Variants in SPTB observed in about 807,000 individuals in gnomAD.
SPTB encodes the protein spectrin beta, erythrocytic, also known as spectrin beta chain, erythrocytic.
SPTB carries 45 observed loss-of-function variants against 256.2 expected under a neutral mutation model. That is an observed-to-expected ratio of 0.18 (90% CI 0.14 to 0.23). The LOEUF is 0.23. SPTB is among the 10% of genes least tolerant of loss of function. The pLI, the probability that SPTB is intolerant of heterozygous loss-of-function variation, is 1.00. For synonymous variants in SPTB, 1,231 were observed against 1,243.1 expected (o/e 0.99, Z 0.21); for missense variants, 2,715 against 3,040.4 (o/e 0.89, Z 2.52).
chr14:64,818,817 C>T (rs1447757674), intron 2 of SPTB, among the ~76,000 whole-genome samples: 1 of 152,160 alleles, frequency 6.6e-6, no homozygotes, highest in African/African-American at 2.4e-5. Flanking sequence ...AACATGAAGG[C>T]TGGAACCTTT....
In SPTB at chr14:64,784,459, C is replaced by T; in HGVS notation, c.3856-66G>A. ...TTCTTTGGCAGAGCAGAACCTGCTGCCCATCCCTGGCTGCAGAAGGAGAAG... is the reference window on the plus strand; with the variant it reads ...TTCTTTGGCAGAGCAGAACCTGCTGTCCATCCCTGGCTGCAGAAGGAGAAG... On this transcript the variant is annotated intron_variant, in intron 18 of 35. Transcript: ENST00000644917. 4 of 1,597,356 alleles carry T rather than the reference C, an allele frequency of 2.5e-6. No individual in the cohort carries two copies. In the South Asian group the frequency reaches 3.3e-5, roughly 13 times the overall value.
At chr14:64,837,835 T>A (rs753530539) in intron 1 of SPTB, among the ~76,000 whole-genome samples, 16 of 125,558 alleles carry the variant, frequency 1.3e-4, no homozygotes, top group Admixed American at 9.5e-4. Flanking sequence ...TCCTGACCTC[T>A]GGATCACCTC....
intron 9 of SPTB, 24 bp from the exon 10 acceptor site, chr14:64,797,870 A>C (rs777326579): frequency 1.9e-6 from 3 of 1,596,094 alleles, no homozygotes; most frequent in Non-Finnish European, 2.6e-6. Flanking sequence ...AGAAGTAGGA[A>C]GACTGATGTT....
rs567114356 is a variant in SPTB at position 64,768,187 on chromosome 14, G to A, written c.6023-328C>T. ...CTACCAAGTGGCTGGGACTATAGGT[G>A]TGCACCACCATGCCCAGCTAATTTT... is the stretch of plus-strand genomic sequence containing the variant. On this transcript the variant is annotated intron_variant, in intron 29 of 35. Coordinates refer to ENST00000644917, the MANE Select transcript of SPTB (RefSeq NM_001355436.2). 132 of 412,462 alleles carry A rather than the reference G, an allele frequency of 3.2e-4. 2 individuals are homozygous for A. The highest frequency in any genetic ancestry group is 2.9e-3 in the South Asian group (130 of 45,012). 25.6% of individuals were successfully genotyped at this position (412,462 alleles called of 1,614,324 possible). A position where few individuals can be genotyped will look rare whatever the true frequency, so the allele number is the denominator to read the frequency against.
At chr14:64,839,256 C>G (rs7161483) in intron 1 of SPTB, among the ~76,000 whole-genome samples, 11,682 of 152,206 alleles carry the variant, frequency 0.077, 696 homozygotes, top group South Asian at 0.2. Flanking sequence ...GGTAAAAAGG[C>G]AAGAATTGAT....
At chr14:64,766,027 GTGTA>G (rs1039975995) in intron 32 of SPTB, among the ~76,000 whole-genome samples, 3 of 149,836 alleles carry the variant, frequency 2.0e-5, no homozygotes, top group African/African-American at 7.5e-5. Context: ...GTGCATATGT[GTGTA>G]TGTGGGTGTG....
chr14:64,796,495 C>A lies in SPTB; in HGVS notation c.1341+62G>T. 3 of 1,608,232 alleles carry A rather than the reference C, an allele frequency of 1.9e-6. No individual in the cohort carries two copies. Among genetic ancestry groups the A allele is most frequent in the Non-Finnish European group, 8.5e-7 (1 of 1,176,030 alleles). On this transcript the variant is annotated intron_variant, in intron 11 of 35. Coordinates refer to ENST00000644917, the MANE Select transcript of SPTB (RefSeq NM_001355436.2). This position sits in a 1 kb window ranked among gnomAD's most constrained non-coding sequence, Gnocchi z 4.1. ...AAGCCAGCTTGGACTCCAGCCCAGC[C>A]AAGAGCTGGGGGCTCTGAAGAATGT...
At position 64,821,516 on chromosome 14, in the gene SPTB, G is replaced by A. The variant is rs182329764; in HGVS notation, c.148+1431C>T. Among the ~76,000 whole-genome samples, 72 of 152,246 alleles carry A rather than the reference G, an allele frequency of 4.7e-4. No homozygotes were observed. In the South Asian group the frequency reaches 4.8e-3, roughly 10 times the overall value. ...GTACCCCTCTCCCTCCACCTGGATC[G>A]CCAGGGTCATTGCAGCTAGATCCAG... On this transcript the variant is annotated intron_variant, in intron 2 of 35. Transcript: ENST00000644917.
intron 1 of SPTB, among the ~76,000 whole-genome samples, chr14:64,877,796 A>C (rs1363411428): frequency 5.9e-5 from 9 of 152,236 alleles, no homozygotes; most frequent in Non-Finnish European, 1.5e-5. Flanking sequence ...TAGCTTGCCT[A>C]AAATACTCAT....
intron 1 of SPTB, among the ~76,000 whole-genome samples, chr14:64,860,222 C>T (rs934805150): frequency 2.6e-4 from 40 of 152,222 alleles, no homozygotes; most frequent in African/African-American, 9.6e-4. Flanking sequence ...ACCCAGAGAA[C>T]TTTCAGGAAA....
intron 10 of SPTB, 149 bp downstream of exon 10, chr14:64,797,580 G>C: frequency 2.8e-6 from 2 of 707,576 alleles, no homozygotes; most frequent in Admixed American, 3.7e-5. Flanking sequence ...TCAGAACCAG[G>C]TTCGATAACT....
chr14:64,751,025 ATATT>A (rs1021260971), intron 33 of SPTB, among the ~76,000 whole-genome samples: 2 of 145,666 alleles, frequency 1.4e-5, no homozygotes, highest in South Asian at 2.1e-4. Flanking sequence ...ATTATGTTAT[ATATT>A]ATATATGTAG....
intron 2 of SPTB, among the ~76,000 whole-genome samples, chr14:64,811,718 T>C (rs2083094140): frequency 6.6e-6 from 1 of 152,248 alleles, no homozygotes. Flanking sequence ...TGTCTCTACT[T>C]TTTTACCAGT....
Position 64,825,664 on chromosome 14 carries a change from G to A in SPTB, c.-51-2519C>T, listed in dbSNP as rs539965592. Among the ~76,000 whole-genome samples, 2 of 152,216 alleles carry A rather than the reference G, an allele frequency of 1.3e-5. No homozygotes were observed. Among genetic ancestry groups the A allele is most frequent in the African/African-American group, 2.4e-5 (1 of 41,464 alleles). ...AACCGGACCCTGGCTCTCCTGATTC[G>A]TCCTGGGCTATTTTTAAGAGTGGCT... is the stretch of plus-strand genomic sequence containing the variant. On this transcript the variant is annotated intron_variant, in intron 1 of 35. Transcript: ENST00000644917. This position sits in a 1 kb window ranked among gnomAD's most constrained non-coding sequence, Gnocchi z 4.8.
At position 64,842,519 on chromosome 14, in the gene SPTB, C is replaced by T. The variant is rs572476459; in HGVS notation, c.-51-19374G>A. Reference sequence around the variant, plus strand: ...CCATTTACTTATAGTCCGTAAGCCTCTATTTCTTCATCTGTAAGATGAAGT... The same window carrying T: ...CCATTTACTTATAGTCCGTAAGCCTTTATTTCTTCATCTGTAAGATGAAGT... On this transcript the variant is annotated intron_variant, in intron 1 of 35. Transcript: ENST00000644917. Among the ~76,000 whole-genome samples the T allele has an allele frequency of 2.6e-5, 4 of 152,298 alleles. No individual in the cohort carries two copies. The South Asian group carries it at 8.3e-4, about 32-fold the overall frequency.
Position 64,787,134 on chromosome 14 carries a change from G to C in SPTB, c.2831C>G (p.Ser944Trp). 1 of 1,607,272 alleles carries C rather than the reference G, an allele frequency of 6.2e-7. No individual in the cohort carries two copies. ...TGAGTCCACAGCCTCCCGCCGCTCC[G>C]ACACCAGGGTCTGAAATGCCTGCCA... ...TRWQAFQTLV[S>W]ERREAVDSAL... Residue 944 changes from serine to tryptophan, a missense_variant, in exon 16 of 36, where the codon TCG becomes TGG. Transcript: ENST00000644917.
At chr14:64,788,094 TAA>T (rs2082605530) in intron 15 of SPTB, among the ~76,000 whole-genome samples, 1 of 152,148 alleles carries the variant, frequency 6.6e-6, no homozygotes, top group South Asian at 2.1e-4. Flanking sequence ...TAACATAGCA[TAA>T]AGTTTCATGT....
At chr14:64,784,039 C>T (rs887000337) in intron 19 of SPTB, among the ~76,000 whole-genome samples, 1 of 152,204 alleles carries the variant, frequency 6.6e-6, no homozygotes, top group Admixed American at 6.5e-5. Context: ...ATTCAGGTGA[C>T]CCAGAAGAGG....
rs1336453923 is a variant in SPTB, at chr14:64,775,877, C to G, written c.4564-474G>C. Among the ~76,000 whole-genome samples the G allele has an allele frequency of 6.6e-6, 1 of 152,228 alleles. No homozygotes were observed. The highest frequency in any genetic ancestry group is 1.5e-5 in the Non-Finnish European group (1 of 68,034). On this transcript the variant is annotated intron_variant, in intron 22 of 35. Coordinates refer to ENST00000644917, the MANE Select transcript of SPTB (RefSeq NM_001355436.2). This position sits in a 1 kb window ranked among gnomAD's most constrained non-coding sequence, Gnocchi z 5.0. ...CCCAACCCAGCAGCTCAGGTGGGCA[C>G]AGTTTTTGCCTTCCATCTAAAAGAA...
Sources: allele counts gnomAD v4.1 joint callset (sites outside exome capture counted in the v4.1 genomes callset), GRCh38; gene constraint gnomAD v4.1.1; non-coding constraint Gnocchi (gnomAD v3.1); transcripts MANE v1.5; gene names NCBI Gene and HGNC (gene_info 2026-07-23, HGNC 2026-07-21).